Variants in CIITA observed in about 807,000 individuals in gnomAD.
The protein encoded by CIITA is MHC class II transactivator.
A neutral mutation model predicts 115.1 loss-of-function variants in CIITA; 72 were observed. That is an observed-to-expected ratio of 0.63 (90% CI 0.52 to 0.76). The LOEUF (loss-of-function observed/expected upper bound fraction) is 0.76, where lower values mean the gene tolerates loss of function less well. Ranked by LOEUF, CIITA falls within the 30% of genes least tolerant of loss-of-function variation. The pLI is 0.00. For missense variants in CIITA, 1,617 were observed against 1,463.8 expected (o/e 1.10, Z -1.71); for synonymous variants, 763 against 635.6 (o/e 1.20, Z -3.02).
In CIITA at chr16:10,929,379, C is replaced by T; in HGVS notation, c.*5524C>T. ...ATCGCAGCTGCAAATAATCAGAAGC[C>T]AAGGCCAGGCCATCGATTTGACACT... On this transcript the variant is annotated 3_prime_UTR_variant, in exon 20 of 20. Transcript: ENST00000324288. This position sits in a 1 kb window ranked among gnomAD's most constrained non-coding sequence, Gnocchi z 4.3. 2 of 985,886 alleles carry T rather than the reference C, an allele frequency of 2.0e-6. No homozygotes were observed. The highest frequency in any genetic ancestry group is 2.4e-6 in the Non-Finnish European group (2 of 829,946). The allele number at this position is 985,886 out of a possible 1,614,324, so 61.1% of individuals were successfully genotyped here. A position where few individuals can be genotyped will look rare whatever the true frequency, so the allele number is the denominator to read the frequency against.
rs544248669 is a variant in CIITA at position 10,931,856 on chromosome 16, A to C, written c.*8001A>C. 2.6e-5 allele frequency: 4 copies of C among 152,278 alleles called. No homozygotes were observed. The highest frequency in any genetic ancestry group is 5.9e-5 in the Non-Finnish European group (4 of 68,062). The allele number at this position is 152,278 out of a possible 1,614,324, so 9.4% of individuals were successfully genotyped here. A position where few individuals can be genotyped will look rare whatever the true frequency, so the allele number is the denominator to read the frequency against. On this transcript the variant is annotated 3_prime_UTR_variant, in exon 20 of 20. Transcript: ENST00000324288. ...CAGTGAGCCGAGATCACGCCACTGC[A>C]CTATAGCCTAGGTGACAGAGTGAGA...
chr16:10,931,365 A>C lies in CIITA; in HGVS notation c.*7510A>C, dbSNP rs1424871085. The C allele has an allele frequency of 6.6e-6, 1 of 152,190 alleles. No homozygotes were observed. The highest frequency in any genetic ancestry group is 1.5e-5 in the Non-Finnish European group (1 of 68,084). 9.4% of individuals were successfully genotyped at this position (152,190 alleles called of 1,614,324 possible). A position where few individuals can be genotyped will look rare whatever the true frequency, so the allele number is the denominator to read the frequency against. On this transcript the variant is annotated 3_prime_UTR_variant, in exon 20 of 20. Coordinates refer to ENST00000324288, the MANE Select transcript of CIITA (RefSeq NM_000246.4). ...ACCTCACTCCTCTCCCAGTCCTGTG[A>C]CCACAAACCGCATCCCCGACAGTCC...
intron 13 of CIITA, among the ~76,000 whole-genome samples, 193 bp from the exon 14 acceptor site, chr16:10,915,377 A>G (rs1215246435): frequency 6.6e-6 from 1 of 152,022 alleles, no homozygotes; most frequent in Non-Finnish European, 1.5e-5. Context: ...GGGGGCTATG[A>G]AATCTACCCC....
intron 5 of CIITA, among the ~76,000 whole-genome samples, chr16:10,900,101 A>T (rs1047728464): frequency 5.9e-5 from 9 of 151,864 alleles, no homozygotes; most frequent in African/African-American, 4.8e-5. Context: ...AACCAAAAGA[A>T]TATTCAGTGA....
intron 14 of CIITA, 100 bp downstream of exon 14, chr16:10,915,750 C>T: frequency 9.5e-7 from 1 of 1,047,174 alleles, no homozygotes. Flanking sequence ...AGTAGTCCTC[C>T]TGCCTCAGCC....
In CIITA at chr16:10,909,138, A is replaced by G; in HGVS notation, c.2767A>G (p.Lys923Glu). 2 of 1,614,246 alleles carry G rather than the reference A, an allele frequency of 1.2e-6. No homozygotes were observed. The highest frequency in any genetic ancestry group is 1.7e-6 in the Non-Finnish European group (2 of 1,180,040). Residue 923 changes from lysine (K) to glutamate (E), a missense_variant, in exon 12 of 20, where the codon AAG (lysine) becomes GAG (glutamate). Transcript: ENST00000324288. ...GTTCACCATCGAGCCTTTCAAAGCC[A>G]AGTCCCTGAAGGATGTGGAAGACCT... ...EKFTIEPFKAKSLKDVEDLGK... is the reference protein window; with the variant it reads ...EKFTIEPFKAESLKDVEDLGK...
intron 5 of CIITA, among the ~76,000 whole-genome samples, chr16:10,899,383 C>A (rs2038475097): frequency 7.1e-6 from 1 of 141,244 alleles, no homozygotes; most frequent in African/African-American, 2.5e-5. Context: ...ATGGCTGACT[C>A]CTTTGAATCT....
At chr16:10,874,989 G>A (rs923215443), upstream of CIITA, among the ~76,000 whole-genome samples, 98 of 151,394 alleles carry the variant, frequency 6.5e-4, no homozygotes, top group African/African-American at 2.3e-3. Flanking sequence ...TTTTTTTTGA[G>A]ACTGAGTCTC....
intron 13 of CIITA, among the ~76,000 whole-genome samples, chr16:10,913,999 A>C (rs978185865): frequency 1.4e-5 from 2 of 144,628 alleles, no homozygotes; most frequent in African/African-American, 5.1e-5. Context: ...TAAAAAAAAA[A>C]CTCCATCCCC....
rs757069078 is a variant in CIITA, at chr16:10,901,466, T to C, written c.437-48T>C. The C allele has an allele frequency of 3.7e-6, 6 of 1,609,716 alleles. No individual in the cohort carries two copies. The South Asian group carries it at 6.6e-5, about 18-fold the overall frequency. ...GCTAGAGTCCTGAGCCCCTTCTGGC[T>C]TGGGACATCCTCTCCCTGGGGCAGC... On this transcript the variant is annotated intron_variant, in intron 5 of 19. Coordinates refer to ENST00000324288, the MANE Select transcript of CIITA (RefSeq NM_000246.4). The surrounding 1 kb of genome is among the most constrained non-coding windows in gnomAD (Gnocchi z 6.8).
intron 1 of CIITA, among the ~76,000 whole-genome samples, chr16:10,886,976 G>A (rs2037013929): frequency 6.6e-6 from 1 of 152,188 alleles, no homozygotes; most frequent in South Asian, 2.1e-4. Context: ...GGCCAGTAAG[G>A]AACTGAGCTC....
chr16:10,891,685 G>T (rs761845021), intron 1 of CIITA, among the ~76,000 whole-genome samples: 1 of 152,180 alleles, frequency 6.6e-6, no homozygotes, highest in Non-Finnish European at 1.5e-5. Flanking sequence ...TGGGGCAAAG[G>T]TGTCTTTTCT....
intron 1 of CIITA, among the ~76,000 whole-genome samples, chr16:10,877,640 G>C (rs551249007): frequency 1.3e-5 from 2 of 152,142 alleles, no homozygotes; most frequent in Non-Finnish European, 2.9e-5. Flanking sequence ...TCAGACTTTC[G>C]GGCAGTGTGT....
Position 10,933,730 on chromosome 16 carries a change from A to C in CIITA, c.*9875A>C, listed in dbSNP as rs966945900. Reference sequence around the variant, plus strand: ...CTAGGGGCCTTCTGAAAGCAGCAGCACTTTTCCTCCTTCAAAGACCTTGCC... The same window carrying C: ...CTAGGGGCCTTCTGAAAGCAGCAGCCCTTTTCCTCCTTCAAAGACCTTGCC... On this transcript the variant is annotated 3_prime_UTR_variant, in exon 20 of 20. Transcript: ENST00000324288. 5 of 152,286 alleles carry C rather than the reference A, an allele frequency of 3.3e-5. No homozygotes were observed. Among genetic ancestry groups the C allele is most frequent in the Admixed American group, 3.3e-4 (5 of 15,288 alleles). 9.4% of individuals were successfully genotyped at this position (152,286 alleles called of 1,614,324 possible). A position where few individuals can be genotyped will look rare whatever the true frequency, so the allele number is the denominator to read the frequency against.
chr16:10,881,837 C>T (rs1453609941), intron 1 of CIITA, among the ~76,000 whole-genome samples: 1 of 152,152 alleles, frequency 6.6e-6, no homozygotes, highest in African/African-American at 2.4e-5. Context: ...CCCCACTGCC[C>T]CTTCCACCCA....
At chr16:10,867,325 G>GGT (rs1026316781) in intron 1 of CIITA, among the ~76,000 whole-genome samples, 1 of 147,488 alleles carries the variant, frequency 6.8e-6, no homozygotes, top group Non-Finnish European at 1.5e-5. Flanking sequence ...GTGTGTGTTG[G>GGT]GGGGGGGCAT....
At chr16:10,875,949 G>A (rs934249839), upstream of CIITA, among the ~76,000 whole-genome samples, 3 of 152,114 alleles carry the variant, frequency 2.0e-5, no homozygotes, top group Non-Finnish European at 4.4e-5. Context: ...CAGCCTGGGC[G>A]AAAGAGCGCG....
downstream of CIITA, chr16:10,939,725 T>C (rs1431507638): frequency 6.6e-6 from 1 of 152,258 alleles, no homozygotes; most frequent in Non-Finnish European, 1.5e-5. This position sits in a 1 kb window ranked among gnomAD's most constrained non-coding sequence, Gnocchi z 4.9. Flanking sequence ...GACCGTCTAC[T>C]AGAGGCCAGG....
In CIITA at chr16:10,906,664, A is replaced by G; in HGVS notation, c.1172A>G (p.Gln391Arg). 6.2e-7 allele frequency: 1 copy of G among 1,613,540 alleles called. No individual in the cohort carries two copies. Among genetic ancestry groups the G allele is most frequent in the Non-Finnish European group, 8.5e-7 (1 of 1,179,950 alleles). The part of the protein sequence containing the change: ...ELATPDWAER[Q>R]LAQGGLAEVL... ...GCCACCCCGGACTGGGCAGAACGGC[A>G]GCTGGCCCAAGGAGGCCTGGCTGAG... is the stretch of plus-strand genomic sequence containing the variant. The change falls in exon 11 of 20, where the codon CAG (glutamine) becomes CGG (arginine). Residue 391 changes from glutamine to arginine, a missense_variant. Physicochemically the swap from Gln to Arg is conservative, Grantham distance 43. Coordinates refer to ENST00000324288, the MANE Select transcript of CIITA (RefSeq NM_000246.4).
Sources: allele counts gnomAD v4.1 joint callset (sites outside exome capture counted in the v4.1 genomes callset), GRCh38; gene constraint gnomAD v4.1.1; non-coding constraint Gnocchi (gnomAD v3.1); transcripts MANE v1.5; gene names NCBI Gene and HGNC (gene_info 2026-07-23, HGNC 2026-07-21).